Variants in ANKS1B observed in about 807,000 individuals in gnomAD.
ANKS1B encodes the protein ankyrin repeat and sterile alpha motif domain-containing protein 1B.
Under a neutral mutation model 148.3 loss-of-function variants are expected in ANKS1B, and 36 were observed. The ratio of observed to expected loss-of-function variants is 0.24; its 90% CI spans 0.19 to 0.32. The LOEUF (loss-of-function observed/expected upper bound fraction) is 0.32, where lower values mean the gene tolerates loss of function less well. Ranked by LOEUF, ANKS1B falls within the 10% of genes least tolerant of loss-of-function variation. The pLI, the probability that ANKS1B is intolerant of heterozygous loss-of-function variation, is 1.00. For synonymous variants in ANKS1B, 542 were observed against 560.8 expected (o/e 0.97, Z 0.47); for missense variants, 1,157 against 1,542.6 (o/e 0.75, Z 4.19).
At chr12:99,280,627 T>A (rs183675053) in intron 12 of ANKS1B, among the ~76,000 whole-genome samples, 1 of 152,182 alleles carries the variant, frequency 6.6e-6, no homozygotes. Flanking sequence ...CTCTCTAATA[T>A]GGGTAGGGCA....
rs150569676 is a variant in ANKS1B at position 99,187,187 on chromosome 12, G to A, written c.2420-32792C>T. Among the ~76,000 whole-genome samples the A allele has an allele frequency of 2.2e-3, 342 of 152,024 alleles. 3 individuals are homozygous for A. The highest frequency in any genetic ancestry group is 8.0e-3 in the African/African-American group (331 of 41,482). On this transcript the variant is annotated intron_variant, in intron 14 of 26. Transcript: ENST00000683438. ...AAGCCACCAAGAAACATGGGACTAT[G>A]TGAAAAGACCAAACCTACGTTTGGT...
chr12:99,830,455 G>A (rs1342349762), intron 1 of ANKS1B, among the ~76,000 whole-genome samples: 1 of 151,276 alleles, frequency 6.6e-6, no homozygotes, highest in African/African-American at 2.4e-5. Flanking sequence ...GAATTTACGG[G>A]AAAAAAAATT....
intron 8 of ANKS1B, among the ~76,000 whole-genome samples, chr12:99,745,984 C>T (rs2060557746): frequency 6.6e-6 from 1 of 152,020 alleles, no homozygotes; most frequent in Non-Finnish European, 1.5e-5. Context: ...GAGCCATATA[C>T]GGTTGGAAAA....
chr12:99,868,338 T>C (rs1279624852), intron 1 of ANKS1B, among the ~76,000 whole-genome samples: 6 of 152,234 alleles, frequency 3.9e-5, no homozygotes, highest in African/African-American at 1.4e-4. Flanking sequence ...TTCTTCTATG[T>C]ATATTATACT....
At chr12:99,096,078 A>ACTTTTCTACATT (rs2056008465) in intron 15 of ANKS1B, among the ~76,000 whole-genome samples, 1 of 152,224 alleles carries the variant, frequency 6.6e-6, no homozygotes, top group Non-Finnish European at 1.5e-5. Context: ...TAAACCTGGT[A>ACTTTTCTACATT]TTCTACAGGA....
At chr12:99,336,190 T>A (rs1305921484) in intron 12 of ANKS1B, among the ~76,000 whole-genome samples, 1 of 152,202 alleles carries the variant, frequency 6.6e-6, no homozygotes, top group African/African-American at 2.4e-5. Context: ...TCTATTCACA[T>A]CTTTTGCCCA....
chr12:99,889,409 A>C (rs1303463388), intron 1 of ANKS1B, among the ~76,000 whole-genome samples: 1 of 152,214 alleles, frequency 6.6e-6, no homozygotes, highest in East Asian at 1.9e-4. Context: ...ATCTCTAAGA[A>C]GTTAAGTTTA....
intron 12 of ANKS1B, among the ~76,000 whole-genome samples, chr12:99,257,370 AT>A (rs893017005): frequency 3.3e-5 from 5 of 151,966 alleles, no homozygotes; most frequent in Non-Finnish European, 5.9e-5. Context: ...ATTTTGGGGA[AT>A]TTTTTTCAAA....
chr12:99,206,674 G>C (rs1019532602), intron 14 of ANKS1B, among the ~76,000 whole-genome samples: 5 of 152,102 alleles, frequency 3.3e-5, no homozygotes, highest in African/African-American at 1.2e-4. Flanking sequence ...CTTTTTTAGA[G>C]CTATCCATAC....
chr12:99,923,573 T>C (rs1315265456), intron 1 of ANKS1B, among the ~76,000 whole-genome samples: 1 of 151,970 alleles, frequency 6.6e-6, no homozygotes, highest in Non-Finnish European at 1.5e-5. Context: ...GATAAGGAAA[T>C]AGCATTAGTG....
At chr12:98,899,862 G>A (rs1297788722) in intron 17 of ANKS1B, among the ~76,000 whole-genome samples, 7 of 152,060 alleles carry the variant, frequency 4.6e-5, no homozygotes, top group African/African-American at 1.4e-4. Context: ...TAGCACTGAG[G>A]TATACACTCT....
At chr12:99,803,273 T>TCTC (rs759551264) in intron 4 of ANKS1B, among the ~76,000 whole-genome samples, 1 of 19,010 alleles carries the variant, frequency 5.3e-5, no homozygotes, top group African/African-American at 1.4e-4. Flanking sequence ...AATTAAATAT[T>TCTC]CACCCCCCCC....
chr12:99,004,375 G>A (rs2099934876), intron 17 of ANKS1B, among the ~76,000 whole-genome samples: 1 of 152,050 alleles, frequency 6.6e-6, no homozygotes, highest in South Asian at 2.1e-4. Flanking sequence ...TCCTCATAGG[G>A]TTGTTTGAAA....
chr12:99,902,024 C>G (rs756594514), intron 1 of ANKS1B, among the ~76,000 whole-genome samples: 83 of 152,214 alleles, frequency 5.5e-4, no homozygotes, highest in Non-Finnish European at 1.1e-3. Context: ...GGTCAATATC[C>G]TCATGGAGCT....
At chr12:99,862,302 T>C (rs1050297314) in intron 1 of ANKS1B, among the ~76,000 whole-genome samples, 1 of 152,248 alleles carries the variant, frequency 6.6e-6, no homozygotes, top group South Asian at 2.1e-4. Flanking sequence ...TAAAAAAGCA[T>C]AGAGCAAATT....
chr12:99,092,902 T>A (rs188460367), intron 15 of ANKS1B, among the ~76,000 whole-genome samples: 7 of 152,304 alleles, frequency 4.6e-5, no homozygotes, highest in Admixed American at 2.0e-4. Flanking sequence ...ATTATTTTCA[T>A]CTTATAGAGG....
At chr12:99,270,639 A>T (rs2076936976) in intron 12 of ANKS1B, among the ~76,000 whole-genome samples, 1 of 152,176 alleles carries the variant, frequency 6.6e-6, no homozygotes, top group Admixed American at 6.5e-5. Context: ...TACCTGTAAG[A>T]GTTCCCTGGA....
At chr12:99,095,030 G>T (rs1050659399) in intron 15 of ANKS1B, among the ~76,000 whole-genome samples, 12 of 152,060 alleles carry the variant, frequency 7.9e-5, no homozygotes, top group Admixed American at 7.2e-4. Context: ...TCTCACTGGG[G>T]GGGGGGTCAA....
At chr12:99,427,075 A>C (rs906290481) in intron 11 of ANKS1B, among the ~76,000 whole-genome samples, 1 of 152,238 alleles carries the variant, frequency 6.6e-6, no homozygotes, top group Admixed American at 6.5e-5. Context: ...TTTACCCACC[A>C]ATCCAAATAA....
Sources: allele counts gnomAD v4.1 joint callset (sites outside exome capture counted in the v4.1 genomes callset), GRCh38; gene constraint gnomAD v4.1.1; transcripts MANE v1.5; gene names NCBI Gene and HGNC (gene_info 2026-07-23, HGNC 2026-07-21).